Variants in TMIGD3 observed in about 807,000 individuals in gnomAD.
TMIGD3 encodes the protein AD026 protein (AD026).
A neutral mutation model predicts 28.1 loss-of-function variants in TMIGD3; 21 were observed. The observed-to-expected ratio is 0.75, with a 90% CI of 0.53 to 1.08. TMIGD3 has a LOEUF of 1.08. TMIGD3 is among the 50% of genes least tolerant of loss of function. The probability of loss-of-function intolerance (pLI) is 0.00; values close to 1 mark genes in which losing one functional copy is unlikely to be tolerated. For missense variants in TMIGD3, 416 were observed against 435.6 expected (o/e 0.96, Z 0.40); for synonymous variants, 151 against 162.1 (o/e 0.93, Z 0.52).
chr1:111,559,105 T>A (rs1455581894), intron 1 of TMIGD3, among the ~76,000 whole-genome samples: 1 of 152,152 alleles, frequency 6.6e-6, no homozygotes, highest in Admixed American at 6.5e-5. Context: ...TTCTTTAGAA[T>A]TTGAAAATAT....
At position 111,521,103 on chromosome 1, in the gene TMIGD3, T is replaced by C. The variant is rs916950964; in HGVS notation, c.108-30341A>G. On this transcript the variant is annotated intron_variant, in intron 1 of 5. Transcript: ENST00000369717. ...TATAACTTTGGCATTCATCCATTTG[T>C]TGTGTGCATCAGTGGTTCATTCATT... Among the ~76,000 whole-genome samples, 4 of 152,090 alleles carry C rather than the reference T, an allele frequency of 2.6e-5. No individual in the cohort carries two copies. The East Asian group carries it at 7.7e-4, about 29-fold the overall frequency.
chr1:111,498,314 G>T (rs1654985827), intron 1 of TMIGD3, among the ~76,000 whole-genome samples: 1 of 152,168 alleles, frequency 6.6e-6, no homozygotes, highest in South Asian at 2.1e-4. Context: ...GAAAGTGAGA[G>T]TTCACAGCAG....
rs200195306 is a variant in TMIGD3 at position 111,484,164 on chromosome 1, T to C, written c.974-407A>G. ...TTTCATAGTATCATGTGCCTTTCCT[T>C]AAGAGCACTGACTCCTGGTGGCAAT... On this transcript the variant is annotated intron_variant, in intron 5 of 5. Transcript: ENST00000369716. 6.6e-5 allele frequency among the ~76,000 whole-genome samples: 10 copies of C among 152,292 alleles called. No individual in the cohort carries two copies. The East Asian group carries it at 1.9e-3, about 29-fold the overall frequency.
intron 1 of TMIGD3, among the ~76,000 whole-genome samples, chr1:111,544,623 G>C (rs112382299): frequency 2.6e-5 from 4 of 152,068 alleles, no homozygotes; most frequent in African/African-American, 9.7e-5. Context: ...CATTTGGTTT[G>C]TTCCATTTTC....
chr1:111,516,376 T>C (rs1048848632), intron 1 of TMIGD3, among the ~76,000 whole-genome samples: 3 of 152,108 alleles, frequency 2.0e-5, no homozygotes, highest in Non-Finnish European at 4.4e-5. Context: ...CAAAAGCAAA[T>C]CAGCAGAGGC....
At chr1:111,542,882 A>G (rs1656890353) in intron 1 of TMIGD3, among the ~76,000 whole-genome samples, 1 of 152,016 alleles carries the variant, frequency 6.6e-6, no homozygotes, top group African/African-American at 2.4e-5. Flanking sequence ...TTTTTAATAG[A>G]GATGGGGTTT....
At chr1:111,530,505 T>G (rs991936468) in intron 1 of TMIGD3, among the ~76,000 whole-genome samples, 2 of 152,256 alleles carry the variant, frequency 1.3e-5, no homozygotes, top group Non-Finnish European at 2.9e-5. Context: ...TGCGCAGCTC[T>G]GCTGGTTACA....
chr1:111,547,488 A>T (rs1657077194), intron 1 of TMIGD3, among the ~76,000 whole-genome samples: 1 of 152,192 alleles, frequency 6.6e-6, no homozygotes, highest in Non-Finnish European at 1.5e-5. Flanking sequence ...GGAGTTAAAA[A>T]ATATAAAATA....
At chr1:111,535,674 AG>A (rs1239821106) in intron 1 of TMIGD3, among the ~76,000 whole-genome samples, 1 of 152,238 alleles carries the variant, frequency 6.6e-6, no homozygotes, top group Non-Finnish European at 1.5e-5. Context: ...TGTGCCAATG[AG>A]GGCCGATAAC....
intron 1 of TMIGD3, among the ~76,000 whole-genome samples, chr1:111,551,864 C>G (rs1423880503): frequency 1.3e-5 from 2 of 152,074 alleles, no homozygotes; most frequent in Admixed American, 1.3e-4. Flanking sequence ...CCTTGGCCTT[C>G]ACTTACTGTT....
chr1:111,514,086 G>A (rs1655781735), intron 1 of TMIGD3, among the ~76,000 whole-genome samples: 1 of 152,178 alleles, frequency 6.6e-6, no homozygotes, highest in South Asian at 2.1e-4. Context: ...TCTTTGCAGT[G>A]TCTTGACCAA....
At chr1:111,527,788 C>T (rs1317234206) in intron 1 of TMIGD3, among the ~76,000 whole-genome samples, 1 of 152,130 alleles carries the variant, frequency 6.6e-6, no homozygotes, top group Non-Finnish European at 1.5e-5. Flanking sequence ...ATTTGCCATC[C>T]TTATATCATC....
At chr1:111,536,360 C>G (rs577312780) in intron 1 of TMIGD3, among the ~76,000 whole-genome samples, 1 of 152,060 alleles carries the variant, frequency 6.6e-6, no homozygotes, top group South Asian at 2.1e-4. Context: ...AAACTGAGGC[C>G]AAAGAAGCTA....
At chr1:111,493,946 G>A (rs1403877280) in intron 1 of TMIGD3, among the ~76,000 whole-genome samples, 2 of 152,216 alleles carry the variant, frequency 1.3e-5, no homozygotes, top group African/African-American at 4.8e-5. Context: ...ATCATACTCA[G>A]CTATAGTAGC....
Position 111,490,674 on chromosome 1 carries a change from A to C in TMIGD3, c.439T>G (p.Ser147Ala). 6.2e-7 allele frequency: 1 copy of C among 1,613,408 alleles called. No individual in the cohort carries two copies. The highest frequency in any genetic ancestry group is 8.5e-7 in the Non-Finnish European group (1 of 1,179,350). Residue 147 changes from serine (S) to alanine (A), a missense_variant, in exon 2 of 6, where the codon TCC (serine) becomes GCC (alanine). Ser to Ala is a moderately conservative substitution (Grantham distance 99). Coordinates refer to ENST00000369716, the MANE Select transcript of TMIGD3 (RefSeq NM_020683.7). Reference protein sequence around the residue: ...LPVMWLFILLSLALISDAMVM... With the variant: ...LPVMWLFILLALALISDAMVM... ...ATCCTACCTGAAATGAGAGCCAAGGAGAGTAGAATGAAGAGCCACATGACT... is the reference window on the plus strand; with the variant it reads ...ATCCTACCTGAAATGAGAGCCAAGGCGAGTAGAATGAAGAGCCACATGACT...
rs1654339625 is a variant in TMIGD3 at position 111,485,832 on chromosome 1, A to G, written c.881T>C (p.Ile294Thr). Reference protein sequence around the residue: ...VRKADRSRTSILIICILITGL... With the variant: ...VRKADRSRTSTLIICILITGL... The stretch of plus-strand genomic sequence containing the variant: ...CGTGATCAGTATGCAAATGATGAGA[A>G]TGGACGTCCTAGAAGGAACCACAGC... The change falls in exon 5 of 6, where the codon ATT (isoleucine) becomes ACT (threonine). Residue 294 changes from isoleucine to threonine, a missense_variant. By Grantham distance (89) the Ile-to-Thr change is moderately conservative (BLOSUM62 -1). Coordinates refer to ENST00000369716, the MANE Select transcript of TMIGD3 (RefSeq NM_020683.7). 1 of 1,611,108 alleles carries G rather than the reference A, an allele frequency of 6.2e-7. No individual in the cohort carries two copies. The highest frequency in any genetic ancestry group is 8.5e-7 in the Non-Finnish European group (1 of 1,178,722).
At chr1:111,515,840 G>A (rs1047737994) in intron 1 of TMIGD3, among the ~76,000 whole-genome samples, 7 of 152,308 alleles carry the variant, frequency 4.6e-5, no homozygotes, top group African/African-American at 9.6e-5. Flanking sequence ...GCACTCCTCC[G>A]GAACTCCGGG....
At chr1:111,507,070 A>G (rs1315366308), upstream of TMIGD3, among the ~76,000 whole-genome samples, 1 of 143,712 alleles carries the variant, frequency 7.0e-6, no homozygotes, top group Non-Finnish European at 1.5e-5. Flanking sequence ...TGTTAACTGT[A>G]GTTAACTGTG....
At chr1:111,498,008 C>T (rs1654972932) in intron 1 of TMIGD3, among the ~76,000 whole-genome samples, 1 of 152,100 alleles carries the variant, frequency 6.6e-6, no homozygotes, top group African/African-American at 2.4e-5. Context: ...CACCCAAAGC[C>T]CTAGAATAAA....
Sources: gnomAD v4.1 joint callset for allele counts (sites outside exome capture counted in the v4.1 genomes callset) on GRCh38, gnomAD v4.1.1 for gene constraint, MANE v1.5 for transcripts, NCBI Gene and HGNC (gene_info 2026-07-23, HGNC 2026-07-21) for gene names.